Variants in MDGA1 observed in about 807,000 individuals in gnomAD.
MDGA1 encodes MAM domain containing glycosylphosphatidylinositol anchor 1, also known as MAM domain-containing glycosylphosphatidylinositol anchor protein 1.
A neutral mutation model predicts 101.5 loss-of-function variants in MDGA1; 54 were observed. That is an observed-to-expected ratio of 0.53 (90% CI 0.43 to 0.67). The LOEUF (loss-of-function observed/expected upper bound fraction) is 0.67, where lower values mean the gene tolerates loss of function less well. Ranked by LOEUF, MDGA1 falls within the 30% of genes least tolerant of loss-of-function variation. MDGA1 has a pLI of 0.00. For missense variants in MDGA1, 1,083 were observed against 1,323.8 expected, an observed-to-expected ratio of 0.82 and a Z score of 2.82; for synonymous variants, 533 against 558.3, an observed-to-expected ratio of 0.95 and a Z score of 0.64.
intron 13 of MDGA1, among the ~76,000 whole-genome samples, chr6:37,644,247 T>C (rs998646605): frequency 1.3e-5 from 2 of 152,126 alleles, no homozygotes; most frequent in South Asian, 4.1e-4. Flanking sequence ...CTCTTCCTCT[T>C]GATCCTCTAT....
chr6:37,683,014 C>G (rs569046063), intron 1 of MDGA1, among the ~76,000 whole-genome samples: 9 of 152,204 alleles, frequency 5.9e-5, no homozygotes, highest in Non-Finnish European at 1.2e-4. Context: ...ACCCAGAATC[C>G]TGCCTACAGG....
At chr6:37,681,669 G>C (rs1762099731) in intron 1 of MDGA1, among the ~76,000 whole-genome samples, 1 of 152,280 alleles carries the variant, frequency 6.6e-6, no homozygotes, top group African/African-American at 2.4e-5. Flanking sequence ...ACGAGGCAGA[G>C]AGAACTGGAG....
chr6:37,693,010 AG>A (rs1413125041), intron 1 of MDGA1, among the ~76,000 whole-genome samples: 3 of 152,208 alleles, frequency 2.0e-5, no homozygotes, highest in Non-Finnish European at 4.4e-5. Context: ...CACTGGCTAA[AG>A]GGCCAAAATC....
In MDGA1 at chr6:37,638,275, C is replaced by T; in HGVS notation, c.2706G>A (p.Gly902=). 1 of 1,612,864 alleles carries T rather than the reference C, an allele frequency of 6.2e-7. No individual in the cohort carries two copies. Among genetic ancestry groups the T allele is most frequent in the South Asian group, 1.1e-5 (1 of 90,770 alleles). Residue 902 remains glycine, a synonymous_variant, in exon 16 of 17, where the codon GGG becomes GGA. Transcript: ENST00000434837. This position sits in a 1 kb window ranked among gnomAD's most constrained non-coding sequence, Gnocchi z 4.8. The part of the protein sequence containing the change: ...FEGVRGPGYL[G]DIAIDDVTLK... ...GTGTGACGTCATCTATGGCAATATC[C>T]CCCAGGTAGCCCGGGCCTCGAACCC...
intron 6 of MDGA1, among the ~76,000 whole-genome samples, chr6:37,653,384 G>C (rs1287462052): frequency 6.6e-6 from 1 of 152,160 alleles, no homozygotes; most frequent in African/African-American, 2.4e-5. Context: ...TCTGTGAGGA[G>C]AGTCAGAAAG....
chr6:37,678,571 G>A (rs1240448851), intron 1 of MDGA1, among the ~76,000 whole-genome samples: 3 of 151,956 alleles, frequency 2.0e-5, no homozygotes, highest in South Asian at 2.1e-4. Context: ...TCGGCTCCCA[G>A]CCCCACTTCC....
Position 37,655,808 on chromosome 6 carries a change from A to G in MDGA1, c.471T>C (p.Cys157=), listed in dbSNP as rs61749283. ...FYQEKTVFLR[C]TVNSNPPARF... is the part of the protein sequence containing the mutation. ...GGGCAGGCGGGTTGGAGTTGACAGT[A>G]CAGCGCAGGAACACCGTCTTCTCCT... The change falls in exon 4 of 17, where the codon TGT becomes TGC. Residue 157 remains cysteine, a synonymous_variant. Transcript: ENST00000434837. This position sits in a 1 kb window ranked among gnomAD's most constrained non-coding sequence, Gnocchi z 5.1. The G allele has an allele frequency of 6.8e-3, 11,051 of 1,613,712 alleles. 286 individuals carry two copies. In the African/African-American group the frequency reaches 0.078, roughly 11 times the overall value.
At chr6:37,642,720 CCT>C (rs1764120099) in intron 14 of MDGA1, among the ~76,000 whole-genome samples, 1 of 152,150 alleles carries the variant, frequency 6.6e-6, no homozygotes, top group Non-Finnish European at 1.5e-5. Context: ...GGCAGGTCTC[CCT>C]GTTACCACCA....
rs1312794391 is a variant in MDGA1 at position 37,635,481 on chromosome 6, A to G, written c.*1887T>C. The G allele has an allele frequency of 2.5e-6, 1 of 398,710 alleles. No homozygotes were observed. Among genetic ancestry groups the G allele is most frequent in the Non-Finnish European group, 4.4e-6 (1 of 226,112 alleles). The allele number at this position is 398,710 out of a possible 1,614,324, so 24.7% of individuals were successfully genotyped here. On this transcript the variant is annotated 3_prime_UTR_variant, in exon 17 of 17. Coordinates refer to ENST00000434837, the MANE Select transcript of MDGA1 (RefSeq NM_153487.4). ...CGACTCATTTCAGACAGAGGCCTTG[A>G]CTGGGTCAGGAAGGCAGCCGTGCTG...
chr6:37,685,886 G>T (rs1762187168), intron 1 of MDGA1, among the ~76,000 whole-genome samples: 1 of 152,254 alleles, frequency 6.6e-6, no homozygotes, highest in East Asian at 1.9e-4. Flanking sequence ...CTGGCAGAGT[G>T]GGGCGAGGTG....
chr6:37,678,754 T>C (rs1310050127), intron 1 of MDGA1, among the ~76,000 whole-genome samples: 1 of 151,114 alleles, frequency 6.6e-6, no homozygotes, highest in Non-Finnish European at 1.5e-5. Context: ...TTCAGCTGTC[T>C]TCTGAGAGGC....
At chr6:37,650,061 G>C in intron 8 of MDGA1, 48 bp downstream of exon 8, 2 of 1,608,664 alleles carry the variant, frequency 1.2e-6, no homozygotes, top group Non-Finnish European at 1.7e-6. Context: ...CCGGCTGGGA[G>C]CCAGAAGGAA....
At position 37,654,861 on chromosome 6, in the gene MDGA1, A is replaced by G. The variant is rs567320142; in HGVS notation, c.651T>C (p.Ser217=). 2 of 1,613,840 alleles carry G rather than the reference A, an allele frequency of 1.2e-6. No homozygotes were observed. Among genetic ancestry groups the G allele is most frequent in the African/African-American group, 2.7e-5 (2 of 75,002 alleles). ...CTGGGATGCCGCACACGTTACGCAC[A>G]GACACCTGGCAGGTGTAGCTGGCAT... The part of the protein sequence containing the change: ...QDYASYTCQV[S]VRNVCGIPDK... Residue 217 remains serine, a synonymous_variant, in exon 5 of 17, where the codon TCT becomes TCC. Transcript: ENST00000434837.
At chr6:37,657,882 G>A (rs1371342602) in intron 3 of MDGA1, among the ~76,000 whole-genome samples, 2 of 152,188 alleles carry the variant, frequency 1.3e-5, no homozygotes, top group Admixed American at 6.5e-5. Flanking sequence ...ACTGTGGGAA[G>A]GGCAGCGGAC....
At position 37,697,621 on chromosome 6, in the gene MDGA1, T is replaced by G. The variant is rs1044832536; in HGVS notation, c.-810A>C. 4.0e-5 allele frequency: 6 copies of G among 151,872 alleles called. No individual in the cohort carries two copies. The highest frequency in any genetic ancestry group is 3.3e-4 in the Admixed American group (5 of 15,260). 9.4% of individuals were successfully genotyped at this position (151,872 alleles called of 1,614,324 possible). A position where few individuals can be genotyped will look rare whatever the true frequency, so the allele number is the denominator to read the frequency against. Reference sequence around the variant, plus strand: ...TTCGCGCTCTCGCCCAGGCCGGGGCTGCGGCGCGGGCGCCGCTCGCCGCCT... The same window carrying G: ...TTCGCGCTCTCGCCCAGGCCGGGGCGGCGGCGCGGGCGCCGCTCGCCGCCT... On this transcript the variant is annotated 5_prime_UTR_variant, in exon 1 of 17. Transcript: ENST00000434837.
intron 14 of MDGA1, 149 bp downstream of exon 14, chr6:37,643,660 C>A: frequency 1.8e-6 from 2 of 1,097,322 alleles, no homozygotes; most frequent in South Asian, 3.2e-5. Flanking sequence ...CTTGCCAATT[C>A]TCTGTGCAGA....
At chr6:37,648,068 T>C (rs73413362) in intron 9 of MDGA1, 39,170 of 152,292 alleles carry the variant, frequency 0.26, 7,384 homozygotes, top group African/African-American at 0.53. Flanking sequence ...GCAGCCCCTC[T>C]TGTTCCCCTA....
Position 37,648,686 on chromosome 6 carries a change from C to CA in MDGA1, c.1894+295dup, listed in dbSNP as rs1013527579. Reference sequence around the variant, plus strand: ...GGGCGGGGCTTAGGACTGGTATAGGCATAGGCGGGCCTTGGAAGGCGAAGG... The same window carrying CA: ...GGGCGGGGCTTAGGACTGGTATAGGCAATAGGCGGGCCTTGGAAGGCGAAGG... On this transcript the variant is annotated intron_variant, in intron 9 of 16. Coordinates refer to ENST00000434837, the MANE Select transcript of MDGA1 (RefSeq NM_153487.4). 5 of 526,040 alleles carry CA rather than the reference C, an allele frequency of 9.5e-6. No homozygotes were observed. The African/African-American group carries it at 1.0e-4, about 11-fold the overall frequency. The allele number at this position is 526,040 out of a possible 1,614,324, so 32.6% of individuals were successfully genotyped here.
chr6:37,688,404 C>T (rs1052236839), intron 1 of MDGA1, among the ~76,000 whole-genome samples: 9 of 152,170 alleles, frequency 5.9e-5, no homozygotes, highest in Non-Finnish European at 1.3e-4. Flanking sequence ...TAATGTATCT[C>T]GGCTGAGTTT....
Sources: allele counts gnomAD v4.1 joint callset (sites outside exome capture counted in the v4.1 genomes callset), GRCh38; gene constraint gnomAD v4.1.1; non-coding constraint Gnocchi (gnomAD v3.1); transcripts MANE v1.5; gene names NCBI Gene and HGNC (gene_info 2026-07-23, HGNC 2026-07-21).